Variants in AGTR1 observed in about 807,000 individuals in gnomAD.
AGTR1 encodes type-1 angiotensin II receptor.
AGTR1 carries 16 observed loss-of-function variants against 19.4 expected under a neutral mutation model. That is an observed-to-expected ratio of 0.82 (90% CI 0.56 to 1.25). The LOEUF (loss-of-function observed/expected upper bound fraction) is 1.25. Among genes scored for constraint, AGTR1 ranks in the 50% most tolerant of loss-of-function variants. The probability of loss-of-function intolerance (pLI) is 0.00; values close to 1 mark genes in which losing one functional copy is unlikely to be tolerated. For missense variants in AGTR1, 373 were observed against 431.9 expected (o/e 0.86, Z 1.21); for synonymous variants, 153 against 154.9 (o/e 0.99, Z 0.09).
At chr3:148,713,193 C>A (rs1713095590) in intron 2 of AGTR1, among the ~76,000 whole-genome samples, 1 of 152,028 alleles carries the variant, frequency 6.6e-6, no homozygotes, top group Non-Finnish European at 1.5e-5. Flanking sequence ...TCTGTGTGAC[C>A]TATTTTGCAG....
chr3:148,739,675 C>G (rs1714765119), intron 2 of AGTR1: 1 of 915,644 alleles, frequency 1.1e-6, no homozygotes, highest in African/African-American at 1.7e-5. Flanking sequence ...GTATCCCTTG[C>G]ACAGCATCCC....
chr3:148,724,147 C>T (rs932258226), intron 2 of AGTR1, among the ~76,000 whole-genome samples: 14 of 152,100 alleles, frequency 9.2e-5, no homozygotes, highest in Non-Finnish European at 1.8e-4. Context: ...TAGCTGTTTT[C>T]CCCCACCTCA....
intron 2 of AGTR1, among the ~76,000 whole-genome samples, chr3:148,735,287 A>G (rs555733994): frequency 4.3e-4 from 65 of 152,286 alleles, no homozygotes; most frequent in Middle Eastern, 3.4e-3. Context: ...ATCTGCAAAT[A>G]TATATATAAG....
chr3:148,723,396 A>T (rs1053940144), intron 2 of AGTR1, among the ~76,000 whole-genome samples: 1 of 152,234 alleles, frequency 6.6e-6, no homozygotes, highest in Admixed American at 6.5e-5. Flanking sequence ...AGCCAGGGCC[A>T]CTGAGTGTGG....
rs751927459 is a variant in AGTR1 at position 148,742,087 on chromosome 3, A to T, written c.1052A>T (p.Lys351Met). The T allele has an allele frequency of 1.2e-6, 2 of 1,614,106 alleles. No individual in the cohort carries two copies. Among genetic ancestry groups the T allele is most frequent in the Non-Finnish European group, 1.7e-6 (2 of 1,180,022 alleles). ...GATAATGTAAGCTCATCCACCAAGA[A>T]GCCTGCACCATGTTTTGAGGTTGAG... ...PSDNVSSSTK[K>M]PAPCFEVE Residue 351 changes from lysine (K) to methionine (M), a missense_variant, in exon 3 of 3, where the codon AAG becomes ATG. Coordinates refer to ENST00000349243, the MANE Select transcript of AGTR1 (RefSeq NM_000685.5).
chr3:148,715,587 AAAC>A (rs1713264375), intron 2 of AGTR1, among the ~76,000 whole-genome samples: 1 of 152,204 alleles, frequency 6.6e-6, no homozygotes, highest in African/African-American at 2.4e-5. Flanking sequence ...TATCTGAGAA[AAAC>A]AATAGTAGCT....
chr3:148,713,807 C>T (rs1713137454), intron 2 of AGTR1, among the ~76,000 whole-genome samples: 1 of 152,166 alleles, frequency 6.6e-6, no homozygotes, highest in Non-Finnish European at 1.5e-5. Flanking sequence ...TTAGATTTCT[C>T]TTTCAAATCT....
rs992904574 is a variant in AGTR1, at chr3:148,742,766, G to A, written c.*651G>A. 2 of 171,522 alleles carry A rather than the reference G, an allele frequency of 1.2e-5. No homozygotes were observed. The highest frequency in any genetic ancestry group is 4.8e-5 in the African/African-American group (2 of 41,430). 10.6% of individuals were successfully genotyped at this position (171,522 alleles called of 1,614,324 possible). On this transcript the variant is annotated 3_prime_UTR_variant, in exon 3 of 3. Transcript: ENST00000349243. ...TATAAAAGTTAAACTACTTGTAAAG[G>A]TGCTGCACTGGTCCCAAGTAGTAGT... is the stretch of plus-strand genomic sequence containing the variant.
At chr3:148,710,130 AC>A (rs1559923618) in intron 2 of AGTR1, among the ~76,000 whole-genome samples, 1 of 152,200 alleles carries the variant, frequency 6.6e-6, no homozygotes, top group African/African-American at 2.4e-5. Flanking sequence ...ACTGGACAGT[AC>A]TGCTGTAAAC....
intron 2 of AGTR1, chr3:148,739,871 G>C (rs1714775821): frequency 8.1e-7 from 1 of 1,231,754 alleles, no homozygotes; most frequent in Admixed American, 4.2e-5. Flanking sequence ...AATAGGATCT[G>C]TGTGCCCAGC....
chr3:148,730,772 C>T (rs1714209811), intron 2 of AGTR1, among the ~76,000 whole-genome samples: 1 of 152,124 alleles, frequency 6.6e-6, no homozygotes, highest in South Asian at 2.1e-4. Flanking sequence ...TGTGGTGGGG[C>T]CAGAGATTTA....
At chr3:148,736,651 T>A (rs902501539) in intron 2 of AGTR1, among the ~76,000 whole-genome samples, 1 of 152,078 alleles carries the variant, frequency 6.6e-6, no homozygotes, top group Non-Finnish European at 1.5e-5. Context: ...AAACTGAGGG[T>A]CATGTTCAGA....
intron 2 of AGTR1, among the ~76,000 whole-genome samples, chr3:148,732,807 C>T (rs1714349366): frequency 8.2e-6 from 1 of 122,582 alleles, no homozygotes; most frequent in Non-Finnish European, 1.6e-5. Flanking sequence ...GTGGCGGGAT[C>T]TCGGCTCACT....
At chr3:148,734,799 G>A (rs1193241589) in intron 2 of AGTR1, among the ~76,000 whole-genome samples, 1 of 152,114 alleles carries the variant, frequency 6.6e-6, no homozygotes, top group African/African-American at 2.4e-5. Context: ...TGGCTGCCAG[G>A]ATTCCCGGTA....
At chr3:148,729,380 T>A (rs1714127952) in intron 2 of AGTR1, among the ~76,000 whole-genome samples, 1 of 152,218 alleles carries the variant, frequency 6.6e-6, no homozygotes, top group Non-Finnish European at 1.5e-5. Flanking sequence ...AGAACGTGCA[T>A]TTTATTTTAC....
chr3:148,737,870 C>T (rs58570570), intron 2 of AGTR1, among the ~76,000 whole-genome samples: 7 of 152,104 alleles, frequency 4.6e-5, no homozygotes, highest in South Asian at 2.1e-4. Flanking sequence ...AATACCTCAC[C>T]GAAGTTTCCA....
At chr3:148,707,456 A>G (rs1712732755) in intron 1 of AGTR1, among the ~76,000 whole-genome samples, 1 of 152,156 alleles carries the variant, frequency 6.6e-6, no homozygotes, top group South Asian at 2.1e-4. Context: ...ACTTCTGGGA[A>G]AAAGAAAAAC....
chr3:148,716,722 C>G lies in AGTR1; in HGVS notation c.-48+8695C>G, dbSNP rs1285120511. 1.3e-5 allele frequency among the ~76,000 whole-genome samples: 2 copies of G among 152,104 alleles called. No individual in the cohort carries two copies. The highest frequency in any genetic ancestry group is 1.3e-4 in the Admixed American group (2 of 15,262). ...AGAGAAAACAAACATCTCTAAGTCA[C>G]AAGGAGTGGAATAATCAAAGTTGCA... On this transcript the variant is annotated intron_variant, in intron 2 of 2. Transcript: ENST00000349243. This position sits in a 1 kb window ranked among gnomAD's most constrained non-coding sequence, Gnocchi z 4.7.
chr3:148,697,971 T>C lies in AGTR1; in HGVS notation c.-288T>C, dbSNP rs1712062722. On this transcript the variant is annotated 5_prime_UTR_variant, in exon 1 of 3. Transcript: ENST00000349243. ...CAGGACGTCTGGACCGGCGCGCCGC[T>C]AGCAGCTCTGCCGGGCCGCGGCGGT... 6.6e-6 allele frequency: 1 copy of C among 152,202 alleles called. No individual in the cohort carries two copies. The highest frequency in any genetic ancestry group is 1.5e-5 in the Non-Finnish European group (1 of 68,060). 9.4% of individuals were successfully genotyped at this position (152,202 alleles called of 1,614,324 possible).
Sources: allele counts gnomAD v4.1 joint callset (sites outside exome capture counted in the v4.1 genomes callset), GRCh38; gene constraint gnomAD v4.1.1; non-coding constraint Gnocchi (gnomAD v3.1); transcripts MANE v1.5; gene names NCBI Gene and HGNC (gene_info 2026-07-23, HGNC 2026-07-21).